Variants in ALDH1A2 observed in about 807,000 individuals in gnomAD.
ALDH1A2 encodes the protein retinal dehydrogenase 2.
A neutral mutation model predicts 60.3 loss-of-function variants in ALDH1A2; 27 were observed. That is an observed-to-expected ratio of 0.45 (90% CI 0.33 to 0.62). The LOEUF is 0.62. Ranked by LOEUF, ALDH1A2 falls within the 20% of genes least tolerant of loss-of-function variation. ALDH1A2 has a pLI of 0.02. For missense variants in ALDH1A2, 581 were observed against 643.8 expected, an observed-to-expected ratio of 0.90 and a Z score of 1.06; for synonymous variants, 289 against 232.4, an observed-to-expected ratio of 1.24 and a Z score of -2.21.
At chr15:58,065,488 GT>G (rs761048686) in intron 1 of ALDH1A2, 45 bp downstream of exon 1, 91 of 1,494,100 alleles carry the variant, frequency 6.1e-5, no homozygotes, top group Admixed American at 6.7e-5. Context: ...ACCGAAGAAG[GT>G]TCTAGAAAGT....
At chr15:57,993,120 A>G in intron 5 of ALDH1A2, 47 bp from the exon 6 acceptor site, 2 of 1,604,568 alleles carry the variant, frequency 1.2e-6, no homozygotes, top group Non-Finnish European at 1.7e-6. Context: ...ACATTCTTCC[A>G]CTACTTTGTT....
chr15:57,993,119 C>T, intron 5 of ALDH1A2, 46 bp from the exon 6 acceptor site: 1 of 1,604,858 alleles, frequency 6.2e-7, no homozygotes, highest in Non-Finnish European at 8.5e-7. Context: ...AACATTCTTC[C>T]ACTACTTTGT....
intron 12 of ALDH1A2, 21 bp from the exon 13 acceptor site, chr15:57,955,290 G>A (rs762213158): frequency 1.9e-5 from 30 of 1,613,690 alleles, no homozygotes; most frequent in East Asian, 6.7e-5. Flanking sequence ...GAAATGGGCC[G>A]GGTCAGATAC....
intron 12 of ALDH1A2, among the ~76,000 whole-genome samples, chr15:57,957,052 C>G (rs1893551532): frequency 6.6e-6 from 1 of 152,202 alleles, no homozygotes; most frequent in Non-Finnish European, 1.5e-5. Context: ...GGACTCAAAT[C>G]TGCTACCAAA....
chr15:57,965,083 G>A (rs547894699), intron 8 of ALDH1A2, among the ~76,000 whole-genome samples: 3 of 152,062 alleles, frequency 2.0e-5, no homozygotes, highest in South Asian at 4.1e-4. Context: ...AAACAGAAAC[G>A]TCACACCTGT....
At chr15:58,062,210 T>C (rs1286672036) in intron 1 of ALDH1A2, among the ~76,000 whole-genome samples, 2 of 151,342 alleles carry the variant, frequency 1.3e-5, no homozygotes, top group South Asian at 4.2e-4. Context: ...TAATATCAGA[T>C]GCAGAAAAAA....
chr15:58,004,466 G>A (rs1172288264), intron 4 of ALDH1A2, among the ~76,000 whole-genome samples: 1 of 151,526 alleles, frequency 6.6e-6, no homozygotes, highest in African/African-American at 2.4e-5. Context: ...TCAATCCTCA[G>A]CCCCCTCTCA....
intron 1 of ALDH1A2, among the ~76,000 whole-genome samples, chr15:58,035,457 TTTTTGTTA>T (rs1474098911): frequency 1.8e-5 from 1 of 55,910 alleles, no homozygotes; most frequent in East Asian, 4.0e-4. Context: ...TGTGCTATAA[TTTTTGTTA>T]TTTTTTTGTT....
At chr15:57,991,236 G>GAAAAA (rs1894886646) in intron 7 of ALDH1A2, among the ~76,000 whole-genome samples, 2 of 152,002 alleles carry the variant, frequency 1.3e-5, no homozygotes, top group Admixed American at 1.3e-4. Context: ...TTAGCATCTA[G>GAAAAA]CCTTTAGCAA....
In ALDH1A2 at chr15:57,963,551, G is replaced by T. The variant is rs1248829797; in HGVS notation, c.1086+334C>A. 2.0e-5 allele frequency among the ~76,000 whole-genome samples: 3 copies of T among 151,882 alleles called. No individual in the cohort carries two copies. The South Asian group carries it at 6.2e-4, about 32-fold the overall frequency. Reference sequence around the variant, plus strand: ...GTAGAGACAGGGTTTCACCATATTAGCCAGGATGGTCTCGATCTCCTGACC... The same window carrying T: ...GTAGAGACAGGGTTTCACCATATTATCCAGGATGGTCTCGATCTCCTGACC... On this transcript the variant is annotated intron_variant, in intron 9 of 12. Coordinates refer to ENST00000249750, the MANE Select transcript of ALDH1A2 (RefSeq NM_003888.4).
intron 4 of ALDH1A2, among the ~76,000 whole-genome samples, chr15:58,004,385 A>C (rs1283677774): frequency 6.6e-6 from 1 of 151,864 alleles, no homozygotes; most frequent in South Asian, 2.1e-4. Flanking sequence ...GATATATTGC[A>C]TAACTATGAG....
intron 4 of ALDH1A2, 55 bp from the exon 5 acceptor site, chr15:57,995,194 C>G: frequency 1.8e-6 from 1 of 542,376 alleles, no homozygotes; most frequent in South Asian, 3.1e-5. Context: ...AAAAAAAATG[C>G]AAAGGGAGAA....
At chr15:58,004,758 C>G (rs967066428) in intron 4 of ALDH1A2, among the ~76,000 whole-genome samples, 2 of 143,424 alleles carry the variant, frequency 1.4e-5, no homozygotes, top group East Asian at 2.1e-4. Flanking sequence ...ATCCAGTCAT[C>G]CATTGAACAG....
intron 4 of ALDH1A2, among the ~76,000 whole-genome samples, chr15:58,002,958 C>G (rs1001410500): frequency 2.0e-5 from 3 of 151,902 alleles, no homozygotes; most frequent in African/African-American, 7.2e-5. Context: ...AATGCCTATA[C>G]AAACGCTGAA....
chr15:57,964,543 C>G (rs1159994343), intron 8 of ALDH1A2: 4 of 165,302 alleles, frequency 2.4e-5, no homozygotes, highest in Non-Finnish European at 5.3e-5. Context: ...AATGTTTAGA[C>G]AGGTAAACAT....
chr15:57,995,216 G>GAAAAA, intron 4 of ALDH1A2, 77 bp from the exon 5 acceptor site: 26 of 283,438 alleles, frequency 9.2e-5, no homozygotes, highest in Admixed American at 4.6e-4. Flanking sequence ...TTTGGTGGCT[G>GAAAAA]CAAAAAAAAA....
At chr15:58,023,318 T>C (rs1895984444) in intron 1 of ALDH1A2, among the ~76,000 whole-genome samples, 1 of 152,194 alleles carries the variant, frequency 6.6e-6, no homozygotes, top group Non-Finnish European at 1.5e-5. Flanking sequence ...AGCAAAGCCT[T>C]TGTGACACTT....
At position 57,959,103 on chromosome 15, in the gene ALDH1A2, G is replaced by C. The variant is rs531230315; in HGVS notation, c.1484+1667C>G. Among the ~76,000 whole-genome samples the C allele has an allele frequency of 2.0e-5, 3 of 151,812 alleles. No individual in the cohort carries two copies. The East Asian group carries it at 5.8e-4, about 29-fold the overall frequency. ...AAGTGTGCCCACAATGAGGGACCAT[G>C]GATTAGCCTGGGATTAGGGTCCATC... On this transcript the variant is annotated intron_variant, in intron 12 of 12. Transcript: ENST00000249750.
chr15:58,018,112 G>C (rs1448275217), intron 1 of ALDH1A2, among the ~76,000 whole-genome samples: 1 of 152,068 alleles, frequency 6.6e-6, no homozygotes, highest in African/African-American at 2.4e-5. Context: ...TTTCAGAACT[G>C]TATCAGGGAA....
Sources: gnomAD v4.1 joint callset for allele counts (sites outside exome capture counted in the v4.1 genomes callset) on GRCh38, gnomAD v4.1.1 for gene constraint, MANE v1.5 for transcripts, NCBI Gene and HGNC (gene_info 2026-07-23, HGNC 2026-07-21) for gene names.